The following JAK1 variants were observed in gnomAD, a reference collection of about 807,000 sequenced individuals.
JAK1 encodes tyrosine-protein kinase JAK1.
In JAK1, 16 loss-of-function variants were observed where a neutral mutation model predicts 136.6. The observed-to-expected ratio is 0.12, with a 90% CI of 0.08 to 0.18. The LOEUF (loss-of-function observed/expected upper bound fraction) is 0.18. Among genes scored for constraint, JAK1 ranks in the 10% least tolerant of loss-of-function variants. JAK1 has a pLI of 1.00. For synonymous variants in JAK1, 492 were observed against 519.5 expected (o/e 0.95, Z 0.72); for missense variants, 859 against 1,450.1 (o/e 0.59, Z 6.62).
chr1:64,921,526 T>C (rs1287697801), intron 1 of JAK1, among the ~76,000 whole-genome samples: 1 of 152,026 alleles, frequency 6.6e-6, no homozygotes, highest in Non-Finnish European at 1.5e-5. Flanking sequence ...CTGGAAATCA[T>C]TTTACAGATA....
intron 2 of JAK1, among the ~76,000 whole-genome samples, chr1:64,977,370 T>G (rs751612165): frequency 2.0e-5 from 3 of 152,102 alleles, no homozygotes; most frequent in Non-Finnish European, 4.4e-5. Flanking sequence ...TAGGCTGGTC[T>G]CGAACCCCTG....
chr1:65,017,653 A>AT (rs1208716498), intron 2 of JAK1, among the ~76,000 whole-genome samples: 1 of 152,176 alleles, frequency 6.6e-6, no homozygotes, highest in Non-Finnish European at 1.5e-5. Context: ...ATATTAAAGG[A>AT]TTAATACAGA....
chr1:64,985,299 T>C (rs191796701), intron 2 of JAK1: 1,168 of 1,610,172 alleles, frequency 7.3e-4, no homozygotes, highest in Non-Finnish European at 9.2e-4. Context: ...GGGCTGTCGG[T>C]AGCTGGATAC....
chr1:64,962,414 T>A (rs1052339211), intron 1 of JAK1, among the ~76,000 whole-genome samples: 4 of 152,306 alleles, frequency 2.6e-5, no homozygotes, highest in African/African-American at 9.6e-5. Context: ...CTGGGCAGTT[T>A]ATCCGCAGAG....
At chr1:65,021,803 C>T (rs190418489) in intron 2 of JAK1, among the ~76,000 whole-genome samples, 1 of 152,088 alleles carries the variant, frequency 6.6e-6, no homozygotes, top group Non-Finnish European at 1.5e-5. Context: ...TATTATACTT[C>T]CCATTTTTTT....
intron 3 of JAK1, among the ~76,000 whole-genome samples, chr1:64,879,717 T>G (rs539221388): frequency 1.3e-5 from 2 of 152,346 alleles, no homozygotes; most frequent in East Asian, 3.9e-4. Flanking sequence ...ATAATAAATA[T>G]ACTTCTTAAG....
chr1:64,968,931 C>CAAAAAA (rs10708307), upstream of JAK1, among the ~76,000 whole-genome samples: 1 of 64,048 alleles, frequency 1.6e-5, no homozygotes, highest in African/African-American at 6.0e-5. Flanking sequence ...GACTCCCTCT[C>CAAAAAA]AAAAAAAAAA....
chr1:64,924,274 C>G (rs1217360760), intron 1 of JAK1, among the ~76,000 whole-genome samples: 1 of 152,076 alleles, frequency 6.6e-6, no homozygotes, highest in Non-Finnish European at 1.5e-5. Context: ...TATATCAAAA[C>G]AATGCAAAAA....
chr1:64,905,272 T>C (rs974258326), intron 1 of JAK1, among the ~76,000 whole-genome samples: 5 of 152,148 alleles, frequency 3.3e-5, no homozygotes, highest in Non-Finnish European at 5.9e-5. Context: ...CAGAGCAGAC[T>C]GAGATGAAAC....
intron 2 of JAK1, among the ~76,000 whole-genome samples, chr1:65,041,876 C>G (rs2100837151): frequency 6.6e-6 from 1 of 151,978 alleles, no homozygotes. Context: ...CCGTCTCTAG[C>G]AAAAATACAA....
chr1:65,053,323 C>T (rs920597639), intron 1 of JAK1, among the ~76,000 whole-genome samples: 3 of 151,758 alleles, frequency 2.0e-5, no homozygotes, highest in Admixed American at 1.3e-4. Context: ...TCCAACTGGG[C>T]GACAGAGCAA....
At chr1:64,960,580 G>A (rs1054588125) in intron 1 of JAK1, among the ~76,000 whole-genome samples, 1 of 152,144 alleles carries the variant, frequency 6.6e-6, no homozygotes, top group African/African-American at 2.4e-5. Flanking sequence ...GCAGACGGCC[G>A]CAGCTCCTCT....
chr1:65,004,863 A>G (rs1646791226), intron 2 of JAK1, among the ~76,000 whole-genome samples: 1 of 152,204 alleles, frequency 6.6e-6, no homozygotes, highest in South Asian at 2.1e-4. Context: ...TGAAATGGAG[A>G]CAATTCTCAT....
At position 64,897,157 on chromosome 1, in the gene JAK1, C is replaced by T. The variant is rs1384258508; in HGVS notation, c.-77-10816G>A. Among the ~76,000 whole-genome samples, 3 of 151,844 alleles carry T rather than the reference C, an allele frequency of 2.0e-5. No homozygotes were observed. The East Asian group carries it at 5.9e-4, about 30-fold the overall frequency. On this transcript the variant is annotated intron_variant, in intron 1 of 24. Transcript: ENST00000342505. ...AAAAGAAGGAAAGTGGGGTTGGGCA[C>T]GATGGCTCACGCCTGCAATCTCAGC...
intron 1 of JAK1, among the ~76,000 whole-genome samples, chr1:65,061,975 A>C (rs1647811173): frequency 6.6e-6 from 1 of 152,094 alleles, no homozygotes; most frequent in Non-Finnish European, 1.5e-5. Flanking sequence ...AGGTGTCATC[A>C]TTTTACTGAC....
chr1:65,067,188 C>G (rs1281930445), intron 1 of JAK1, among the ~76,000 whole-genome samples: 4 of 151,560 alleles, frequency 2.6e-5, no homozygotes, highest in Non-Finnish European at 4.4e-5. Context: ...CCGCCTACCC[C>G]GAGGTGGCGA....
chr1:65,012,731 G>A (rs1646859299), intron 2 of JAK1, among the ~76,000 whole-genome samples: 1 of 150,656 alleles, frequency 6.6e-6, no homozygotes, highest in Non-Finnish European at 1.5e-5. Flanking sequence ...GTTCAAGGCT[G>A]CACTGAGCCA....
chr1:64,862,673 A>G (rs1192776779), intron 8 of JAK1, among the ~76,000 whole-genome samples: 2 of 152,208 alleles, frequency 1.3e-5, no homozygotes, highest in African/African-American at 4.8e-5. Context: ...GGGCAGGCTC[A>G]TAAAATGTGC....
At chr1:65,061,170 G>T (rs1041160857) in intron 1 of JAK1, among the ~76,000 whole-genome samples, 65 of 152,310 alleles carry the variant, frequency 4.3e-4, no homozygotes, top group African/African-American at 1.5e-3. Context: ...TGTAATCTCA[G>T]CGCCTTAGGA....
Sources: allele counts gnomAD v4.1 joint callset (sites outside exome capture counted in the v4.1 genomes callset), GRCh38; gene constraint gnomAD v4.1.1; transcripts MANE v1.5; gene names NCBI Gene and HGNC (gene_info 2026-07-23, HGNC 2026-07-21).